The following FOXN2 variants were observed in gnomAD, a reference collection of about 807,000 sequenced individuals.
FOXN2 encodes the protein forkhead box N2, also known as forkhead box protein N2.
In FOXN2, 19 loss-of-function variants were observed where a neutral mutation model predicts 41.2. The observed-to-expected ratio is 0.46, with a 90% CI of 0.32 to 0.68. The LOEUF is 0.68. Among genes scored for constraint, FOXN2 ranks in the 30% least tolerant of loss-of-function variants. The pLI, the probability that FOXN2 is intolerant of heterozygous loss-of-function variation, is 0.03. For synonymous variants in FOXN2, 195 were observed against 176.8 expected (o/e 1.10, Z -0.82); for missense variants, 587 against 509.4 (o/e 1.15, Z -1.47).
At chr2:48,320,010 A>G (rs2104068861) in intron 1 of FOXN2, among the ~76,000 whole-genome samples, 1 of 151,864 alleles carries the variant, frequency 6.6e-6, no homozygotes, top group East Asian at 1.9e-4. Context: ...GAGATAGAGA[A>G]TTGAGGAAAT....
chr2:48,348,804 C>A lies in FOXN2; in HGVS notation c.537+2053C>A, dbSNP rs536820290. Among the ~76,000 whole-genome samples, 4 of 152,318 alleles carry A rather than the reference C, an allele frequency of 2.6e-5. No individual in the cohort carries two copies. In the South Asian group the frequency reaches 8.3e-4, roughly 32 times the overall value. On this transcript the variant is annotated intron_variant, in intron 3 of 6. Coordinates refer to ENST00000340553, the MANE Select transcript of FOXN2 (RefSeq NM_002158.4). ...GGAGCAATAGATGACTTTTTTGTCTCAGCATTACTGCTACAACTTCATCTT... is the reference window on the plus strand; with the variant it reads ...GGAGCAATAGATGACTTTTTTGTCTAAGCATTACTGCTACAACTTCATCTT...
At chr2:48,325,777 C>G (rs1669623337) in intron 1 of FOXN2, among the ~76,000 whole-genome samples, 1 of 150,420 alleles carries the variant, frequency 6.6e-6, no homozygotes, top group Non-Finnish European at 1.5e-5. Flanking sequence ...GGTTCGAGTA[C>G]TATGGGAGAG....
At chr2:48,332,722 T>C (rs10199431) in intron 2 of FOXN2, among the ~76,000 whole-genome samples, 69,045 of 152,030 alleles carry the variant, frequency 0.45, 15,872 homozygotes, top group South Asian at 0.53. Context: ...GTAGTAATAA[T>C]CATCATTACC....
intron 1 of FOXN2, among the ~76,000 whole-genome samples, chr2:48,323,844 T>G (rs2104123658): frequency 6.6e-6 from 1 of 152,258 alleles, no homozygotes; most frequent in South Asian, 2.1e-4. Flanking sequence ...CTTCTAGAAT[T>G]TTTATAGTAT....
intron 1 of FOXN2, among the ~76,000 whole-genome samples, chr2:48,317,740 T>A (rs1416255740): frequency 6.7e-6 from 1 of 150,216 alleles, no homozygotes; most frequent in East Asian, 2.0e-4. Flanking sequence ...CTGGAGTAGC[T>A]GGGGTTACAG....
At chr2:48,317,295 A>G (rs1327787268) in intron 1 of FOXN2, among the ~76,000 whole-genome samples, 9 of 152,102 alleles carry the variant, frequency 5.9e-5, no homozygotes, top group Middle Eastern at 3.4e-3. Context: ...CCAAAAATAC[A>G]AAAATTAGCT....
intron 1 of FOXN2, among the ~76,000 whole-genome samples, chr2:48,328,313 C>T (rs995667247): frequency 6.6e-6 from 1 of 152,146 alleles, no homozygotes; most frequent in Non-Finnish European, 1.5e-5. Context: ...CCTGAAGATA[C>T]CAAAATCCAC....
At chr2:48,323,316 C>G (rs183360427) in intron 1 of FOXN2, among the ~76,000 whole-genome samples, 2 of 152,106 alleles carry the variant, frequency 1.3e-5, no homozygotes, top group Non-Finnish European at 2.9e-5. Flanking sequence ...AACTCGATAC[C>G]GTTTTTCATA....
chr2:48,339,431 C>G (rs1670590338), intron 2 of FOXN2, among the ~76,000 whole-genome samples: 1 of 152,154 alleles, frequency 6.6e-6, no homozygotes, highest in South Asian at 2.1e-4. Flanking sequence ...ACTTCTCTCT[C>G]CTGCCACCAT....
At chr2:48,359,519 C>G (rs1405418320) in intron 4 of FOXN2, among the ~76,000 whole-genome samples, 1 of 152,132 alleles carries the variant, frequency 6.6e-6, no homozygotes, top group South Asian at 2.1e-4. Context: ...GTCTCTAACT[C>G]CTGACTTCAA....
intron 2 of FOXN2, among the ~76,000 whole-genome samples, chr2:48,337,331 TTTG>T (rs1670433485): frequency 6.6e-6 from 1 of 151,494 alleles, no homozygotes; most frequent in African/African-American, 2.4e-5. Context: ...GTTGTCTCCC[TTTG>T]TTGCTTAGGC....
At chr2:48,357,994 T>C (rs1671919797) in intron 3 of FOXN2, among the ~76,000 whole-genome samples, 1 of 152,152 alleles carries the variant, frequency 6.6e-6, no homozygotes, top group South Asian at 2.1e-4. Flanking sequence ...TAGTGTGATA[T>C]GACAACCATG....
chr2:48,316,718 G>T (rs570933906), intron 1 of FOXN2, among the ~76,000 whole-genome samples: 1 of 152,240 alleles, frequency 6.6e-6, no homozygotes, highest in East Asian at 1.9e-4. Flanking sequence ...GAAAATTTTT[G>T]AATTTAAGGA....
chr2:48,333,187 G>C (rs549114563), intron 2 of FOXN2, among the ~76,000 whole-genome samples: 1 of 152,146 alleles, frequency 6.6e-6, no homozygotes, highest in South Asian at 2.1e-4. Context: ...GCATGTAGTA[G>C]AAGCAAGAAG....
At chr2:48,328,532 T>C (rs1339586961) in intron 1 of FOXN2, 29 bp from the exon 2 acceptor site, 4 of 152,182 alleles carry the variant, frequency 2.6e-5, no homozygotes, top group Non-Finnish European at 5.9e-5. Flanking sequence ...ACCAACCTTT[T>C]TTTCCCCCCA....
At position 48,375,661 on chromosome 2, in the gene FOXN2, T is replaced by G; in HGVS notation, c.*218T>G. 2 of 425,912 alleles carry G rather than the reference T, an allele frequency of 4.7e-6. No homozygotes were observed. The highest frequency in any genetic ancestry group is 8.3e-6 in the Non-Finnish European group (2 of 240,826). The allele number at this position is 425,912 out of a possible 1,614,324, so 26.4% of individuals were successfully genotyped here. A position where few individuals can be genotyped will look rare whatever the true frequency, so the allele number is the denominator to read the frequency against. On this transcript the variant is annotated 3_prime_UTR_variant, in exon 7 of 7. Transcript: ENST00000340553. ...TGATGTGAAGTCCTAAAAGCATAAT[T>G]TTTGTGATAAATGTGTCCAAGATTT...
In FOXN2 at chr2:48,359,143, C is replaced by G; in HGVS notation, c.634C>G (p.Gln212Glu). 2 of 1,611,162 alleles carry G rather than the reference C, an allele frequency of 1.2e-6. No individual in the cohort carries two copies. The highest frequency in any genetic ancestry group is 1.7e-6 in the Non-Finnish European group (2 of 1,177,576). Residue 212 changes from glutamine to glutamate, a missense_variant, in exon 4 of 7, where the codon CAA becomes GAA. By Grantham distance (29) the Gln-to-Glu change is conservative (BLOSUM62 2). Transcript: ENST00000340553. ...KKQPFSSASS[Q>E]NGSLSPHYLS... ...GCAACCTTTTTCTTCAGCATCTTCA[C>G]AAAAGTAAGGATCTTCCATATAACT...
intron 5 of FOXN2, among the ~76,000 whole-genome samples, chr2:48,372,520 A>G (rs1277159841): frequency 1.3e-5 from 2 of 152,132 alleles, no homozygotes; most frequent in Non-Finnish European, 2.9e-5. Context: ...TAATGGTGTA[A>G]TTTAGATTAT....
chr2:48,373,191 C>G (rs1673022381), intron 5 of FOXN2, 101 bp from the exon 6 acceptor site: 4 of 773,798 alleles, frequency 5.2e-6, no homozygotes, highest in Non-Finnish European at 8.6e-6. Flanking sequence ...TTAGAATATA[C>G]ACCAAAATTG....
Sources: gnomAD v4.1 joint callset for allele counts (sites outside exome capture counted in the v4.1 genomes callset) on GRCh38, gnomAD v4.1.1 for gene constraint, MANE v1.5 for transcripts, NCBI Gene and HGNC (gene_info 2026-07-23, HGNC 2026-07-21) for gene names.